Variants in GPC5 observed in about 807,000 individuals in gnomAD.
GPC5 encodes glypican 5, also known as glypican-5.
A neutral mutation model predicts 53.9 loss-of-function variants in GPC5; 47 were observed. The ratio of observed to expected loss-of-function variants is 0.87; its 90% CI spans 0.69 to 1.11. The LOEUF (loss-of-function observed/expected upper bound fraction) is 1.11, where lower values mean the gene tolerates loss of function less well. GPC5 is among the 50% of genes most tolerant of loss of function. The probability of loss-of-function intolerance (pLI) is 0.00; values close to 1 mark genes in which losing one functional copy is unlikely to be tolerated. For synonymous variants in GPC5, 286 were observed against 263.3 expected (o/e 1.09, Z -0.84); for missense variants, 748 against 713.1 (o/e 1.05, Z -0.56).
intron 7 of GPC5, among the ~76,000 whole-genome samples, chr13:92,491,525 C>T (rs1426176677): frequency 6.6e-6 from 1 of 152,102 alleles, no homozygotes; most frequent in Non-Finnish European, 1.5e-5. Flanking sequence ...TCTCAACACA[C>T]ATCGGCAGCA....
intron 6 of GPC5, among the ~76,000 whole-genome samples, chr13:92,035,947 A>G (rs1158958122): frequency 1.3e-5 from 2 of 152,156 alleles, no homozygotes; most frequent in African/African-American, 4.8e-5. Flanking sequence ...ACAAAAGCCC[A>G]TTTGTTCATT....
At chr13:92,069,663 A>G (rs1252496747) in intron 6 of GPC5, among the ~76,000 whole-genome samples, 1 of 152,042 alleles carries the variant, frequency 6.6e-6, no homozygotes, top group African/African-American at 2.4e-5. Flanking sequence ...CCCTGGGTGA[A>G]TTCTAACCCT....
intron 2 of GPC5, among the ~76,000 whole-genome samples, chr13:91,620,060 G>A (rs1045311980): frequency 1.6e-4 from 24 of 152,060 alleles, no homozygotes; most frequent in African/African-American, 5.6e-4. Context: ...GATACAAAAT[G>A]ACTGGGTTTG....
intron 7 of GPC5, among the ~76,000 whole-genome samples, chr13:92,439,411 T>G (rs1040603570): frequency 6.6e-6 from 1 of 152,176 alleles, no homozygotes; most frequent in African/African-American, 2.4e-5. Context: ...CAATTTAAAC[T>G]AAAATAGGCT....
chr13:92,630,298 T>C (rs1296592427), intron 7 of GPC5, among the ~76,000 whole-genome samples: 2 of 152,092 alleles, frequency 1.3e-5, no homozygotes, highest in African/African-American at 4.8e-5. Context: ...ACAGAAAGAA[T>C]TGGCAATATA....
At chr13:91,546,785 A>G (rs564912910) in intron 2 of GPC5, among the ~76,000 whole-genome samples, 2 of 152,204 alleles carry the variant, frequency 1.3e-5, no homozygotes, top group South Asian at 4.1e-4. Context: ...GTAGTTGAAA[A>G]TCATTGAAAG....
At chr13:91,801,517 C>T (rs575652642) in intron 5 of GPC5, among the ~76,000 whole-genome samples, 8 of 152,212 alleles carry the variant, frequency 5.3e-5, no homozygotes, top group African/African-American at 1.9e-4. Flanking sequence ...AGAAATACAT[C>T]TTTGAAGTTA....
At chr13:92,408,334 T>G (rs1427534224) in intron 7 of GPC5, among the ~76,000 whole-genome samples, 5 of 152,184 alleles carry the variant, frequency 3.3e-5, no homozygotes, top group African/African-American at 1.2e-4. Flanking sequence ...AGACTTCCTT[T>G]CTTCTTATTT....
chr13:92,645,815 T>C (rs1486352740), intron 7 of GPC5, among the ~76,000 whole-genome samples: 1 of 152,002 alleles, frequency 6.6e-6, no homozygotes, highest in African/African-American at 2.4e-5. Context: ...ATCGCTATCA[T>C]TGGTTTTTGG....
At chr13:92,013,710 C>T (rs1388417996) in intron 6 of GPC5, among the ~76,000 whole-genome samples, 1 of 152,080 alleles carries the variant, frequency 6.6e-6, no homozygotes, top group Non-Finnish European at 1.5e-5. Flanking sequence ...GTTAAATTCC[C>T]TTTTTCCCAG....
intron 7 of GPC5, among the ~76,000 whole-genome samples, chr13:92,566,842 T>C (rs1404752553): frequency 2.6e-5 from 4 of 152,138 alleles, no homozygotes; most frequent in Non-Finnish European, 5.9e-5. Context: ...TAAATAATAA[T>C]ATTAAAGAGA....
chr13:91,877,219 C>T (rs1352284125), intron 5 of GPC5, among the ~76,000 whole-genome samples: 1 of 152,200 alleles, frequency 6.6e-6, no homozygotes, highest in East Asian at 1.9e-4. Context: ...CACACAGAGT[C>T]CCTACTGGGG....
chr13:91,552,819 A>G (rs1257557433), intron 2 of GPC5, among the ~76,000 whole-genome samples: 2 of 152,034 alleles, frequency 1.3e-5, no homozygotes, highest in Non-Finnish European at 2.9e-5. Context: ...GATTTTATTT[A>G]TGGCCAGTTT....
At chr13:91,519,910 A>C (rs561270082) in intron 2 of GPC5, among the ~76,000 whole-genome samples, 1 of 152,344 alleles carries the variant, frequency 6.6e-6, no homozygotes, top group African/African-American at 2.4e-5. Context: ...CAAGGAAAAA[A>C]AGAACTTATC....
intron 5 of GPC5, among the ~76,000 whole-genome samples, chr13:91,817,099 G>A (rs2038411604): frequency 6.6e-6 from 1 of 151,968 alleles, no homozygotes; most frequent in Non-Finnish European, 1.5e-5. Flanking sequence ...TTCATTTTAG[G>A]CACTTCATAG....
chr13:92,038,394 A>C (rs12875587), intron 6 of GPC5, among the ~76,000 whole-genome samples: 24,118 of 149,362 alleles, frequency 0.16, 2,482 homozygotes, highest in Non-Finnish European at 0.23. Flanking sequence ...GTAGATAGAT[A>C]GATCGATCCC....
At chr13:92,229,039 A>G (rs2042510087) in intron 7 of GPC5, among the ~76,000 whole-genome samples, 1 of 152,184 alleles carries the variant, frequency 6.6e-6, no homozygotes, top group African/African-American at 2.4e-5. Context: ...AAGAAAGAAA[A>G]AGTGATAGAC....
chr13:91,963,116 T>G lies in GPC5; in HGVS notation c.1401+55059T>G, dbSNP rs1020120061. Reference sequence around the variant, plus strand: ...ACTTAATATTTCTGTACCTCTGACTTCTCATCTTCAAACAGGGAATTGCAT... The same window carrying G: ...ACTTAATATTTCTGTACCTCTGACTGCTCATCTTCAAACAGGGAATTGCAT... On this transcript the variant is annotated intron_variant, in intron 6 of 7. Coordinates refer to ENST00000377067, the MANE Select transcript of GPC5 (RefSeq NM_004466.6). 4.6e-5 allele frequency among the ~76,000 whole-genome samples: 7 copies of G among 152,154 alleles called. No homozygotes were observed. The East Asian group carries it at 1.2e-3, about 25-fold the overall frequency.
intron 7 of GPC5, among the ~76,000 whole-genome samples, chr13:92,792,290 C>G (rs1384454507): frequency 6.6e-6 from 1 of 152,130 alleles, no homozygotes; most frequent in Non-Finnish European, 1.5e-5. Flanking sequence ...CCCAGAATTT[C>G]ATATCCAGCC....
Sources: allele counts gnomAD v4.1 joint callset (sites outside exome capture counted in the v4.1 genomes callset), GRCh38; gene constraint gnomAD v4.1.1; transcripts MANE v1.5; gene names NCBI Gene and HGNC (gene_info 2026-07-23, HGNC 2026-07-21).